TENM3: variants seen among roughly 807,000 people sequenced by gnomAD.
TENM3 encodes the protein teneurin transmembrane protein 3.
Under a neutral mutation model 255.1 loss-of-function variants are expected in TENM3, and 63 were observed. The observed-to-expected ratio is 0.25, with a 90% CI of 0.20 to 0.30. The LOEUF (loss-of-function observed/expected upper bound fraction) is 0.30, where lower values mean the gene tolerates loss of function less well. TENM3 is among the 10% of genes least tolerant of loss of function. The probability of loss-of-function intolerance (pLI) is 1.00; values close to 1 mark genes in which losing one functional copy is unlikely to be tolerated. For missense variants in TENM3, 2,929 were observed against 3,461.1 expected, an observed-to-expected ratio of 0.85 and a Z score of 3.86; for synonymous variants, 1,306 against 1,322.3, an observed-to-expected ratio of 0.99 and a Z score of 0.27.
chr4:181,756,734 A>T, the TENM3 span, among the ~76,000 whole-genome samples: 1 of 152,210 alleles, frequency 6.6e-6, no homozygotes, highest in Admixed American at 6.5e-5. Flanking sequence ...GACTACTGAC[A>T]TGCTGATGGC....
the TENM3 span, among the ~76,000 whole-genome samples, chr4:181,683,516 G>C: frequency 6.6e-6 from 1 of 152,156 alleles, no homozygotes; most frequent in African/African-American, 2.4e-5. Context: ...TCTAGTGGGG[G>C]GGCCAAGAAT....
At chr4:182,037,746 CTGTGAT>C in the TENM3 span, among the ~76,000 whole-genome samples, 1 of 152,220 alleles carries the variant, frequency 6.6e-6, no homozygotes, top group South Asian at 2.1e-4. Context: ...GTTATGCTCA[CTGTGAT>C]TTGTTTGAAG....
chr4:181,538,914 T>G, the TENM3 span, among the ~76,000 whole-genome samples: 1 of 152,226 alleles, frequency 6.6e-6, no homozygotes, highest in Non-Finnish European at 1.5e-5. Context: ...TGTTTAATTA[T>G]GAAGATTACA....
the TENM3 span, among the ~76,000 whole-genome samples, chr4:181,482,915 C>T: frequency 2.0e-5 from 3 of 152,042 alleles, no homozygotes; most frequent in South Asian, 2.1e-4. Flanking sequence ...GGTGTTCGGC[C>T]GATACCTAGA....
chr4:181,596,238 A>AT, the TENM3 span, among the ~76,000 whole-genome samples: 1 of 152,344 alleles, frequency 6.6e-6, no homozygotes, highest in Non-Finnish European at 1.5e-5. Context: ...ATATCTATTT[A>AT]TTCCTAAACT....
the TENM3 span, among the ~76,000 whole-genome samples, chr4:182,031,293 C>A: frequency 6.6e-6 from 1 of 152,110 alleles, no homozygotes; most frequent in Non-Finnish European, 1.5e-5. Context: ...TCTCTCAGCA[C>A]CATTTATTAA....
chr4:182,638,061 T>C (rs1423428338), intron 5 of TENM3, among the ~76,000 whole-genome samples: 1 of 151,996 alleles, frequency 6.6e-6, no homozygotes, highest in African/African-American at 2.4e-5. Flanking sequence ...TTTTCATTAT[T>C]GACTTAGTTT....
At chr4:181,697,999 G>T in the TENM3 span, among the ~76,000 whole-genome samples, 1 of 151,928 alleles carries the variant, frequency 6.6e-6, no homozygotes, top group African/African-American at 2.4e-5. Flanking sequence ...CGGATCATGA[G>T]GTCAGGAGTT....
At chr4:181,472,032 A>G in the TENM3 span, among the ~76,000 whole-genome samples, 1 of 152,072 alleles carries the variant, frequency 6.6e-6, no homozygotes, top group Non-Finnish European at 1.5e-5. Flanking sequence ...CACTTGTCAC[A>G]TGAGGGTCTT....
At chr4:181,798,834 G>T in the TENM3 span, among the ~76,000 whole-genome samples, 1 of 152,154 alleles carries the variant, frequency 6.6e-6, no homozygotes, top group Admixed American at 6.5e-5. Context: ...AAAAACGATG[G>T]TATGTGAGTT....
chr4:182,562,813 T>C (rs754812821), intron 3 of TENM3, among the ~76,000 whole-genome samples: 30 of 152,294 alleles, frequency 2.0e-4, no homozygotes, highest in Middle Eastern at 3.4e-3. Flanking sequence ...AATTCTCTTC[T>C]GCTCCAGTCA....
At chr4:182,779,456 C>T (rs1031597085) in intron 24 of TENM3, among the ~76,000 whole-genome samples, 11 of 152,086 alleles carry the variant, frequency 7.2e-5, no homozygotes, top group Admixed American at 1.3e-4. Flanking sequence ...TCCAGTCTAT[C>T]GTTGTTGGAC....
intron 5 of TENM3, among the ~76,000 whole-genome samples, chr4:182,649,520 A>G (rs1753063986): frequency 6.6e-6 from 1 of 150,550 alleles, no homozygotes; most frequent in African/African-American, 2.4e-5. Flanking sequence ...CTAGAAATAA[A>G]AATTTTTCAT....
intron 1 of TENM3, among the ~76,000 whole-genome samples, chr4:182,307,057 A>G (rs1762178052): frequency 6.6e-6 from 1 of 152,216 alleles, no homozygotes; most frequent in Admixed American, 6.5e-5. Context: ...AAATGTGGCT[A>G]TTTTCCAAAA....
At chr4:182,081,598 A>T in the TENM3 span, among the ~76,000 whole-genome samples, 2 of 151,362 alleles carry the variant, frequency 1.3e-5, no homozygotes, top group African/African-American at 4.9e-5. Context: ...AAAAAAAAAA[A>T]AAAAAAAGAA....
chr4:182,688,567 T>G (rs1756775573), intron 12 of TENM3, among the ~76,000 whole-genome samples: 1 of 152,252 alleles, frequency 6.6e-6, no homozygotes, highest in African/African-American at 2.4e-5. Flanking sequence ...AACTTTTTTA[T>G]TCATTGGTTT....
chr4:182,582,191 TC>T (rs1329264108), intron 3 of TENM3, among the ~76,000 whole-genome samples: 2 of 152,194 alleles, frequency 1.3e-5, no homozygotes, highest in African/African-American at 4.8e-5. Context: ...CAAGCATTCT[TC>T]CATTTAAAAT....
the TENM3 span, among the ~76,000 whole-genome samples, chr4:181,816,539 G>T: frequency 6.6e-6 from 1 of 152,072 alleles, no homozygotes; most frequent in Non-Finnish European, 1.5e-5. Flanking sequence ...ATATGAAACT[G>T]GTTTGCAGAC....
chr4:182,346,997 G>GT (rs1302850382), intron 3 of TENM3, 68 bp downstream of exon 3: 29 of 1,146,862 alleles, frequency 2.5e-5, no homozygotes, highest in Middle Eastern at 5.7e-4. Flanking sequence ...TGACTCCGCG[G>GT]GGGGGGATGT....
Sources: gnomAD v4.1 joint callset for allele counts (sites outside exome capture counted in the v4.1 genomes callset) on GRCh38, gnomAD v4.1.1 for gene constraint, MANE v1.5 for transcripts, NCBI Gene and HGNC (gene_info 2026-07-23, HGNC 2026-07-21) for gene names.